PTPRM: variants seen among roughly 807,000 people sequenced by gnomAD.
PTPRM encodes the protein receptor-type tyrosine-protein phosphatase mu.
Under a neutral mutation model 186.7 loss-of-function variants are expected in PTPRM, and 47 were observed. That is an observed-to-expected ratio of 0.25 (90% CI 0.20 to 0.32). PTPRM has a LOEUF of 0.32. PTPRM is among the 10% of genes least tolerant of loss of function. The probability of loss-of-function intolerance (pLI) is 1.00; values close to 1 mark genes in which losing one functional copy is unlikely to be tolerated. For synonymous variants in PTPRM, 668 were observed against 674.9 expected, an observed-to-expected ratio of 0.99 and a Z score of 0.16; for missense variants, 1,494 against 1,865.0, an observed-to-expected ratio of 0.80 and a Z score of 3.66.
chr18:7,800,974 G>C (rs775565566), intron 2 of PTPRM, among the ~76,000 whole-genome samples: 3 of 152,122 alleles, frequency 2.0e-5, no homozygotes, highest in Non-Finnish European at 2.9e-5. Flanking sequence ...CACTTACAAT[G>C]AATGGAGCTT....
intron 7 of PTPRM, among the ~76,000 whole-genome samples, chr18:8,018,381 T>C (rs1473794735): frequency 2.0e-5 from 3 of 152,338 alleles, no homozygotes; most frequent in East Asian, 3.9e-4. Context: ...AGAAGCAGCA[T>C]GGTGAACCCA....
At chr18:7,776,628 A>G (rs1458450630) in intron 2 of PTPRM, among the ~76,000 whole-genome samples, 2 of 152,168 alleles carry the variant, frequency 1.3e-5, no homozygotes, top group African/African-American at 2.4e-5. Flanking sequence ...ATAAGAAATG[A>G]CTTTTTCTCT....
At position 8,074,808 on chromosome 18, in the gene PTPRM, C is replaced by T. The variant is rs183322093; in HGVS notation, c.1442-1647C>T. 3.3e-5 allele frequency among the ~76,000 whole-genome samples: 5 copies of T among 152,244 alleles called. No homozygotes were observed. In the East Asian group the frequency reaches 9.7e-4, roughly 29 times the overall value. On this transcript the variant is annotated intron_variant, in intron 8 of 32. Transcript: ENST00000580170. The stretch of plus-strand genomic sequence containing the variant: ...ACTTTTACAGTCTAGATACAAATCT[C>T]TTATATATATGATATGCAGAAGCCT...
chr18:7,819,868 G>A (rs555287340), intron 2 of PTPRM, among the ~76,000 whole-genome samples: 20 of 152,134 alleles, frequency 1.3e-4, no homozygotes, highest in Non-Finnish European at 2.4e-4. Context: ...GGGGGACAAG[G>A]GATCTCTTCT....
intron 2 of PTPRM, among the ~76,000 whole-genome samples, chr18:7,838,040 T>C (rs2046140017): frequency 6.6e-6 from 1 of 152,170 alleles, no homozygotes; most frequent in Non-Finnish European, 1.5e-5. Context: ...AAGAGAAGAC[T>C]CATGGAGTGT....
intron 2 of PTPRM, among the ~76,000 whole-genome samples, chr18:7,804,021 T>C (rs1433154844): frequency 6.6e-6 from 1 of 152,182 alleles, no homozygotes; most frequent in Admixed American, 6.5e-5. Context: ...ATCTGGTGAA[T>C]ACCCAGGTGA....
At chr18:8,164,965 C>T (rs2093297528) in intron 14 of PTPRM, among the ~76,000 whole-genome samples, 1 of 151,866 alleles carries the variant, frequency 6.6e-6, no homozygotes, top group Admixed American at 6.6e-5. Context: ...AAGACCGAAA[C>T]CATCCTGGCC....
In PTPRM at chr18:7,640,233, A is replaced by G. The variant is rs16952280; in HGVS notation, c.73+72342A>G. On this transcript the variant is annotated intron_variant, in intron 1 of 32. Coordinates refer to ENST00000580170, the MANE Select transcript of PTPRM (RefSeq NM_001105244.2). ...GTTTCTCTCCTGTTTCAGTACAGGT[A>G]GGCAGAACTTGCTACAGAAAGAAAC... Among the ~76,000 whole-genome samples, 636 of 152,312 alleles carry G rather than the reference A, an allele frequency of 4.2e-3. 7 individuals are homozygous for G. The highest frequency in any genetic ancestry group is 0.015 in the African/African-American group (618 of 41,580).
At chr18:8,164,672 A>G (rs2093290736) in intron 14 of PTPRM, among the ~76,000 whole-genome samples, 1 of 152,152 alleles carries the variant, frequency 6.6e-6, no homozygotes, top group South Asian at 2.1e-4. Flanking sequence ...AGAAAGTAGT[A>G]TGGTAGCTGC....
intron 1 of PTPRM, among the ~76,000 whole-genome samples, chr18:7,760,655 TC>T (rs1473279397): frequency 6.6e-6 from 1 of 152,112 alleles, no homozygotes; most frequent in Non-Finnish European, 1.5e-5. Flanking sequence ...GGTAAGTGCG[TC>T]CCAGGTAGCT....
intron 32 of PTPRM, chr18:8,403,494 T>C (rs2095883492): frequency 6.6e-6 from 1 of 152,144 alleles, no homozygotes; most frequent in African/African-American, 2.4e-5. Flanking sequence ...AACATTCATT[T>C]GGGGGATGAA....
intron 3 of PTPRM, among the ~76,000 whole-genome samples, chr18:7,899,434 A>G (rs2049540790): frequency 1.3e-5 from 2 of 152,208 alleles, no homozygotes; most frequent in Non-Finnish European, 2.9e-5. Context: ...AGCCTTGAAT[A>G]ATGAGGATTG....
intron 7 of PTPRM, among the ~76,000 whole-genome samples, chr18:8,044,904 G>A (rs2086937955): frequency 6.6e-6 from 1 of 152,110 alleles, no homozygotes; most frequent in Admixed American, 6.5e-5. Flanking sequence ...TATATTGCTG[G>A]TGGGAATGTA....
intron 1 of PTPRM, among the ~76,000 whole-genome samples, chr18:7,762,685 A>T (rs2041834101): frequency 6.6e-6 from 1 of 152,192 alleles, no homozygotes; most frequent in African/African-American, 2.4e-5. Context: ...GAATGGGTCA[A>T]ATCAAACGGG....
rs1240410327 is a variant in PTPRM at position 7,631,679 on chromosome 18, T to C, written c.73+63788T>C. ...TAAGAAGTTCATCAGCTATTGTTAG[T>C]GTTGGTATGTTTTATGTGTGGCCCA... On this transcript the variant is annotated intron_variant, in intron 1 of 32. Coordinates refer to ENST00000580170, the MANE Select transcript of PTPRM (RefSeq NM_001105244.2). Among the ~76,000 whole-genome samples, 5 of 152,214 alleles carry C rather than the reference T, an allele frequency of 3.3e-5. No homozygotes were observed. In the East Asian group the frequency reaches 9.7e-4, roughly 29 times the overall value.
At chr18:8,377,807 A>G (rs2095706256) in intron 26 of PTPRM, 1 of 153,526 alleles carries the variant, frequency 6.5e-6, no homozygotes, top group African/African-American at 2.4e-5. Context: ...TCATAATCAT[A>G]TTAACTTTTA....
intron 2 of PTPRM, among the ~76,000 whole-genome samples, chr18:7,778,279 A>AT (rs1220222665): frequency 6.6e-6 from 1 of 152,042 alleles, no homozygotes; most frequent in Non-Finnish European, 1.5e-5. Context: ...TGCCGTTTAA[A>AT]TTTTTGTATT....
intron 2 of PTPRM, among the ~76,000 whole-genome samples, chr18:7,828,876 T>A (rs1390338152): frequency 6.6e-5 from 10 of 152,120 alleles, no homozygotes; most frequent in Admixed American, 6.6e-4. Context: ...ATTTTAAAGA[T>A]AAAAACGTTT....
intron 1 of PTPRM, among the ~76,000 whole-genome samples, chr18:7,594,445 A>G (rs2037203216): frequency 6.6e-6 from 1 of 152,098 alleles, no homozygotes; most frequent in South Asian, 2.1e-4. Flanking sequence ...GTGCCATTGC[A>G]CTCTAGCCCA....
Sources: gnomAD v4.1 joint callset for allele counts (sites outside exome capture counted in the v4.1 genomes callset) on GRCh38, gnomAD v4.1.1 for gene constraint, MANE v1.5 for transcripts, NCBI Gene and HGNC (gene_info 2026-07-23, HGNC 2026-07-21) for gene names.